CSMD1: variants seen among roughly 807,000 people sequenced by gnomAD.
The protein encoded by CSMD1 is CUB and Sushi multiple domains 1, also known as CUB and sushi domain-containing protein 1.
Under a neutral mutation model 417.5 loss-of-function variants are expected in CSMD1, and 213 were observed. The ratio of observed to expected loss-of-function variants is 0.51; its 90% confidence interval spans 0.46 to 0.57. CSMD1 has a LOEUF of 0.57. Among genes scored for constraint, CSMD1 ranks in the 20% least tolerant of loss-of-function variants. The pLI is 0.00. For missense variants in CSMD1, 6,923 were observed against 4,529.7 expected, an observed-to-expected ratio of 1.53 and a Z score of -15.17; for synonymous variants, 2,862 against 1,736.8, an observed-to-expected ratio of 1.65 and a Z score of -16.11.
At chr8:3,480,953 G>A (rs534738920) in intron 11 of CSMD1, among the ~76,000 whole-genome samples, 25 of 151,906 alleles carry the variant, frequency 1.6e-4, no homozygotes, top group African/African-American at 4.6e-4. Context: ...TCAGGAGATC[G>A]AGACTATCCT....
chr8:3,187,395 G>T (rs1796125458), intron 36 of CSMD1, among the ~76,000 whole-genome samples: 1 of 152,168 alleles, frequency 6.6e-6, no homozygotes, highest in Non-Finnish European at 1.5e-5. Flanking sequence ...GAGGTGCAAG[G>T]AAGACTAAGA....
At chr8:3,948,748 G>T (rs1270492751) in intron 5 of CSMD1, among the ~76,000 whole-genome samples, 4 of 152,132 alleles carry the variant, frequency 2.6e-5, no homozygotes, top group Non-Finnish European at 5.9e-5. Flanking sequence ...TAATCAGCTA[G>T]AAAAGATGAG....
intron 3 of CSMD1, among the ~76,000 whole-genome samples, chr8:4,206,347 C>A (rs185800176): frequency 6.6e-6 from 1 of 152,052 alleles, no homozygotes; most frequent in African/African-American, 2.4e-5. Flanking sequence ...CTTTCCCCTC[C>A]CCCCAACCCA....
chr8:3,315,283 A>C (rs1805664365), intron 23 of CSMD1, among the ~76,000 whole-genome samples: 7 of 152,154 alleles, frequency 4.6e-5, no homozygotes, highest in Non-Finnish European at 1.5e-5. Flanking sequence ...TTTCAAAGGT[A>C]ATTGGTTAAA....
intron 7 of CSMD1, among the ~76,000 whole-genome samples, chr8:3,695,720 G>C (rs1800515458): frequency 6.6e-6 from 1 of 152,176 alleles, no homozygotes. Flanking sequence ...ACAGCAGTTT[G>C]GCTGGAAGGA....
Position 3,450,027 on chromosome 8 carries a change from G to C in CSMD1, c.1561+18685C>G, listed in dbSNP as rs564192196. On this transcript the variant is annotated intron_variant, in intron 12 of 69. Coordinates refer to ENST00000635120, the MANE Select transcript of CSMD1 (RefSeq NM_033225.6). The stretch of plus-strand genomic sequence containing the variant: ...TCACCAGCTCCTCCTCATCGATGTG[G>C]TCCTCAGGAGCCTCTCCTTCCCTGG... Among the ~76,000 whole-genome samples the C allele has an allele frequency of 1.1e-4, 17 of 152,264 alleles. No individual in the cohort carries two copies. The East Asian group carries it at 3.1e-3, about 28-fold the overall frequency.
intron 3 of CSMD1, among the ~76,000 whole-genome samples, chr8:4,340,455 T>C (rs945656212): frequency 2.0e-5 from 3 of 152,098 alleles, no homozygotes; most frequent in African/African-American, 4.8e-5. Flanking sequence ...CTTGAAGGAA[T>C]TATGGGTCTG....
chr8:3,364,686 G>A (rs1262634936), intron 20 of CSMD1, among the ~76,000 whole-genome samples: 3 of 152,120 alleles, frequency 2.0e-5, no homozygotes, highest in Admixed American at 6.5e-5. Context: ...TGGGGATATG[G>A]GCGATTCTCC....
At chr8:3,173,701 A>T (rs1820726872) in intron 37 of CSMD1, among the ~76,000 whole-genome samples, 1 of 152,174 alleles carries the variant, frequency 6.6e-6, no homozygotes, top group Admixed American at 6.5e-5. Flanking sequence ...ATCTCTGTAA[A>T]CACACTCGCT....
chr8:3,068,581 G>A (rs1813106701), intron 49 of CSMD1, among the ~76,000 whole-genome samples: 1 of 151,988 alleles, frequency 6.6e-6, no homozygotes, highest in East Asian at 1.9e-4. Flanking sequence ...TCTGCAGGCT[G>A]TACGGGAAAC....
At chr8:4,808,177 G>T (rs1385134211) in intron 1 of CSMD1, among the ~76,000 whole-genome samples, 1 of 152,186 alleles carries the variant, frequency 6.6e-6, no homozygotes, top group Non-Finnish European at 1.5e-5. Flanking sequence ...ACAGAGGGCG[G>T]CAGGCAGATT....
At chr8:4,962,472 A>C (rs1809571144) in intron 1 of CSMD1, among the ~76,000 whole-genome samples, 1 of 152,112 alleles carries the variant, frequency 6.6e-6, no homozygotes, top group Non-Finnish European at 1.5e-5. Context: ...AGGCCATCTA[A>C]AGCTCTGAGA....
chr8:3,916,196 A>G (rs990917066), intron 5 of CSMD1, among the ~76,000 whole-genome samples: 1 of 152,170 alleles, frequency 6.6e-6, no homozygotes, highest in Non-Finnish European at 1.5e-5. Context: ...ACAATGATGA[A>G]GTAGAGACTT....
At chr8:4,489,452 A>T (rs796936566) in intron 2 of CSMD1, among the ~76,000 whole-genome samples, 5 of 152,358 alleles carry the variant, frequency 3.3e-5, no homozygotes, top group African/African-American at 1.2e-4. Context: ...TTCAAAAACT[A>T]TAAAATGGGT....
At chr8:3,745,229 C>T (rs1358185521) in intron 6 of CSMD1, among the ~76,000 whole-genome samples, 2 of 152,070 alleles carry the variant, frequency 1.3e-5, no homozygotes, top group African/African-American at 4.8e-5. Context: ...GTAGACTATG[C>T]CATGGTCAAA....
At chr8:3,697,361 A>T (rs1800611429) in intron 7 of CSMD1, among the ~76,000 whole-genome samples, 1 of 152,206 alleles carries the variant, frequency 6.6e-6, no homozygotes, top group African/African-American at 2.4e-5. Context: ...AGAGATATGT[A>T]CTTTTTCTGA....
intron 1 of CSMD1, among the ~76,000 whole-genome samples, chr8:4,953,766 T>G (rs1808900925): frequency 6.6e-6 from 1 of 152,210 alleles, no homozygotes; most frequent in Non-Finnish European, 1.5e-5. Flanking sequence ...TCTGCAAGGC[T>G]AATTCTCTCT....
intron 2 of CSMD1, among the ~76,000 whole-genome samples, chr8:4,465,617 G>A (rs530111395): frequency 6.6e-6 from 1 of 152,170 alleles, no homozygotes; most frequent in South Asian, 2.1e-4. Flanking sequence ...GGATTATTAA[G>A]TTAAGGCCTC....
intron 23 of CSMD1, among the ~76,000 whole-genome samples, chr8:3,336,219 G>A (rs192242960): frequency 4.6e-4 from 70 of 152,206 alleles, no homozygotes; most frequent in African/African-American, 1.6e-3. Flanking sequence ...CAAGGCCTTC[G>A]TGTGTGAGTT....
Sources: allele counts gnomAD v4.1 joint callset (sites outside exome capture counted in the v4.1 genomes callset), GRCh38; gene constraint gnomAD v4.1.1; transcripts MANE v1.5; gene names NCBI Gene and HGNC (gene_info 2026-07-23, HGNC 2026-07-21).